Variants in ETV6 observed in about 807,000 individuals in gnomAD.
The protein encoded by ETV6 is transcription factor ETV6.
In ETV6, 16 loss-of-function variants were observed where a neutral mutation model predicts 51.1. That is an observed-to-expected ratio of 0.31 (90% CI 0.21 to 0.48). The LOEUF (loss-of-function observed/expected upper bound fraction) is 0.48, where lower values mean the gene tolerates loss of function less well. ETV6 is among the 20% of genes least tolerant of loss of function. The probability of loss-of-function intolerance (pLI) is 0.99; values close to 1 mark genes in which losing one functional copy is unlikely to be tolerated. For missense variants in ETV6, 458 were observed against 594.8 expected (o/e 0.77, Z 2.39); for synonymous variants, 240 against 224.1 (o/e 1.07, Z -0.64).
In ETV6 at chr12:11,890,941, G is replaced by A. The variant is rs1210398083; in HGVS notation, c.1254G>A (p.Arg418=). 42 of 1,612,944 alleles carry A rather than the reference G, an allele frequency of 2.6e-5. No homozygotes were observed. The Middle Eastern group carries it at 4.9e-4, about 19-fold the overall frequency. ...RKEPGQRLLF[R]FMKTPDEIMS... ...ACCTCCTCCACTTCTTCTTCCAAAG[G>A]TTTATGAAAACCCCAGATGAAATCA... Residue 418 remains arginine (R), a splice_region_variant and synonymous_variant, in exon 8 of 8, where the codon AGG becomes AGA. Transcript: ENST00000396373.
rs180691887 is a variant in ETV6, at chr12:11,817,639, G to A, written c.164-21501G>A. ...GTTCCATTTTAATGCACAAATCATT[G>A]TTGCTTTTCAAAAAGTCATCTTTTT... On this transcript the variant is annotated intron_variant, in intron 2 of 7. Transcript: ENST00000396373. 1.9e-3 allele frequency among the ~76,000 whole-genome samples: 284 copies of A among 152,242 alleles called. 2 individuals carry two copies. The highest frequency in any genetic ancestry group is 2.8e-3 in the Non-Finnish European group (193 of 68,010).
intron 4 of ETV6, among the ~76,000 whole-genome samples, chr12:11,868,802 C>T (rs1374539553): frequency 2.0e-5 from 3 of 152,036 alleles, no homozygotes; most frequent in African/African-American, 4.8e-5. Context: ...CCTCTGAAAG[C>T]GACGTAGAAG....
intron 4 of ETV6, among the ~76,000 whole-genome samples, chr12:11,862,241 A>C (rs1318378812): frequency 6.6e-6 from 1 of 152,194 alleles, no homozygotes; most frequent in Admixed American, 6.5e-5. Context: ...AAACTAGGGC[A>C]GTTTTCTTCT....
chr12:11,652,442 C>T (rs1863923709), intron 1 of ETV6, among the ~76,000 whole-genome samples: 2 of 152,172 alleles, frequency 1.3e-5, no homozygotes, highest in Admixed American at 1.3e-4. Context: ...GCTGGTAACC[C>T]ACAAGCAAGT....
rs2724596 is a variant in ETV6, at chr12:11,772,923, A to G, written c.163+20344A>G. Among the ~76,000 whole-genome samples, 153 of 152,260 alleles carry G rather than the reference A, an allele frequency of 1.0e-3. 3 individuals carry two copies. Among genetic ancestry groups the G allele is most frequent in the Non-Finnish European group, 1.3e-4 (9 of 68,014 alleles). On this transcript the variant is annotated intron_variant, in intron 2 of 7. Coordinates refer to ENST00000396373, the MANE Select transcript of ETV6 (RefSeq NM_001987.5). ...AGTATGAAAAATCTTGGCCAGGTGC[A>G]GTGGCTCATGCCTGTAATCCCAGCA...
At chr12:11,889,582 G>A (rs1024226223) in intron 7 of ETV6, among the ~76,000 whole-genome samples, 2 of 152,158 alleles carry the variant, frequency 1.3e-5, no homozygotes, top group African/African-American at 4.8e-5. Flanking sequence ...AGAATGAGTA[G>A]GACTCAACTC....
At chr12:11,707,588 G>T (rs1013965742) in intron 1 of ETV6, among the ~76,000 whole-genome samples, 1 of 152,198 alleles carries the variant, frequency 6.6e-6, no homozygotes, top group Admixed American at 6.5e-5. Flanking sequence ...AGCCACTGAT[G>T]ATTTTCCTTT....
chr12:11,868,600 G>A lies in ETV6; in HGVS notation c.464-824G>A, dbSNP rs188002866. On this transcript the variant is annotated intron_variant, in intron 4 of 7. Transcript: ENST00000396373. ...TTACAGGCGGGAGCCACCGCACCCA[G>A]CCAGGAGTGCTATAAGTTTTAAACA... Among the ~76,000 whole-genome samples, 249 of 151,798 alleles carry A rather than the reference G, an allele frequency of 1.6e-3. 1 individual carries two copies. The highest frequency in any genetic ancestry group is 5.8e-3 in the African/African-American group (239 of 41,428).
intron 2 of ETV6, among the ~76,000 whole-genome samples, chr12:11,787,285 C>T (rs1023481305): frequency 9.2e-5 from 14 of 152,160 alleles, no homozygotes; most frequent in East Asian, 1.9e-4. Context: ...TCACCACATA[C>T]GGCTTTCAAG....
intron 2 of ETV6, among the ~76,000 whole-genome samples, chr12:11,776,396 C>T (rs1037197377): frequency 4.0e-5 from 6 of 151,668 alleles, no homozygotes; most frequent in African/African-American, 1.5e-4. Context: ...GTTTTTTGAA[C>T]TGGCAGGGAA....
chr12:11,823,116 G>A (rs1452631026), intron 2 of ETV6, among the ~76,000 whole-genome samples: 1 of 152,174 alleles, frequency 6.6e-6, no homozygotes, highest in Non-Finnish European at 1.5e-5. Flanking sequence ...CACCTGTAGG[G>A]CCTCTGGCGT....
Position 11,884,555 on chromosome 12 carries a change from A to G in ETV6, c.1120A>G (p.Asn374Asp), listed in dbSNP as rs2136596270. The G allele has an allele frequency of 6.2e-7, 1 of 1,614,182 alleles. No individual in the cohort carries two copies. The highest frequency in any genetic ancestry group is 1.6e-4 in the Middle Eastern group (1 of 6,062). The change falls in exon 6 of 8, where the codon AAC becomes GAC. Residue 374 changes from asparagine to aspartate, a missense_variant. Asn to Asp is a conservative substitution (Grantham distance 23). Around this residue, in one of 4 missense-constraint regions of ETV6, gnomAD observed 55 missense variants for 151.2 expected, o/e 0.36. Transcript: ENST00000396373. Reference sequence around the variant, plus strand: ...CAAAATATTCCGGATAGTGGATCCCAACGGACTGGCTCGACTGTGGGGAAA... The same window carrying G: ...CAAAATATTCCGGATAGTGGATCCCGACGGACTGGCTCGACTGTGGGGAAA... ...ESKIFRIVDP[N>D]GLARLWGNHK...
In ETV6 at chr12:11,877,157, A is replaced by G. The variant is rs117966866; in HGVS notation, c.1009+7188A>G. Among the ~76,000 whole-genome samples the G allele has an allele frequency of 6.7e-3, 1,018 of 152,196 alleles. 7 individuals carry two copies. The highest frequency in any genetic ancestry group is 0.02 in the Middle Eastern group (6 of 294). On this transcript the variant is annotated intron_variant, in intron 5 of 7. Transcript: ENST00000396373. The stretch of plus-strand genomic sequence containing the variant: ...AGTAAGATGAAGAAAAAAGTATGAA[A>G]CTCCAGAGAAAGCAGTTTGAGGCTT...
intron 5 of ETV6, among the ~76,000 whole-genome samples, chr12:11,874,497 T>C (rs375017799): frequency 0.15 from 139 of 904 alleles, 51 homozygotes; most frequent in Admixed American, 0.19. Context: ...TGTACACACA[T>C]ATGTGTATGT....
intron 2 of ETV6, among the ~76,000 whole-genome samples, chr12:11,818,826 C>T (rs1946034378): frequency 2.0e-5 from 3 of 152,086 alleles, no homozygotes. Flanking sequence ...ATAGTCTCAC[C>T]CCTCCTCTGC....
At chr12:11,721,098 A>G (rs1865376504) in intron 1 of ETV6, among the ~76,000 whole-genome samples, 1 of 152,204 alleles carries the variant, frequency 6.6e-6, no homozygotes, top group South Asian at 2.1e-4. Context: ...AGAAAAGGGA[A>G]TGCTTATACA....
chr12:11,819,035 A>T (rs73275275), intron 2 of ETV6, among the ~76,000 whole-genome samples: 1,692 of 152,172 alleles, frequency 0.011, 31 homozygotes, highest in African/African-American at 0.038. Flanking sequence ...CCTCCTTCAC[A>T]GTCAGCCTCT....
rs957815349 is a variant in ETV6 at position 11,778,316 on chromosome 12, A to G, written c.163+25737A>G. Among the ~76,000 whole-genome samples, 18 of 152,142 alleles carry G rather than the reference A, an allele frequency of 1.2e-4. 1 individual carries two copies. Among genetic ancestry groups the G allele is most frequent in the Admixed American group, 1.2e-3 (18 of 15,274 alleles). ...GCCTGGCGAGCGCACACGCGTGTGCACACACACACACTCCTGTGTTTAATA... is the reference window on the plus strand; with the variant it reads ...GCCTGGCGAGCGCACACGCGTGTGCGCACACACACACTCCTGTGTTTAATA... On this transcript the variant is annotated intron_variant, in intron 2 of 7. Transcript: ENST00000396373.
intron 2 of ETV6, among the ~76,000 whole-genome samples, chr12:11,797,622 G>A (rs12304503): frequency 1.9e-3 from 293 of 152,274 alleles, no homozygotes; most frequent in African/African-American, 6.8e-3. Flanking sequence ...CTCAATACTG[G>A]TTCCCTGAAC....
Sources: gnomAD v4.1 joint callset for allele counts (sites outside exome capture counted in the v4.1 genomes callset) on GRCh38, gnomAD v4.1.1 for gene constraint, gnomAD v4.1.1 regional missense constraint, MANE v1.5 for transcripts, NCBI Gene and HGNC (gene_info 2026-07-23, HGNC 2026-07-21) for gene names.